DLC1: variants seen among roughly 807,000 people sequenced by gnomAD.
The protein encoded by DLC1 is DLC1 Rho GTPase activating protein, also known as rho GTPase-activating protein 7.
Under a neutral mutation model 140.3 loss-of-function variants are expected in DLC1, and 54 were observed. The ratio of observed to expected loss-of-function variants is 0.38; its 90% CI spans 0.31 to 0.48. The LOEUF is 0.48. Ranked by LOEUF, DLC1 falls within the 20% of genes least tolerant of loss-of-function variation. The pLI is 0.96. For synonymous variants in DLC1, 986 were observed against 728.1 expected (o/e 1.35, Z -5.70); for missense variants, 2,536 against 1,907.0 (o/e 1.33, Z -6.14).
At chr8:13,540,529 G>C (rs1300719802) in intron 1 of DLC1, among the ~76,000 whole-genome samples, 2 of 152,180 alleles carry the variant, frequency 1.3e-5, no homozygotes, top group East Asian at 3.9e-4. Context: ...GAATAAACCA[G>C]ACAAGTGCCA....
intron 1 of DLC1, among the ~76,000 whole-genome samples, chr8:13,534,639 T>G (rs112577864): frequency 2.6e-5 from 4 of 152,240 alleles, no homozygotes; most frequent in African/African-American, 7.2e-5. Context: ...GCGCCACTGC[T>G]CCTGCTGACC....
chr8:13,567,665 T>G lies in DLC1; in HGVS notation c.-126+36872A>C, dbSNP rs1161650691. The G allele has an allele frequency of 2.3e-5, 36 of 1,551,702 alleles. No individual in the cohort carries two copies. In the Admixed American group the frequency reaches 6.9e-4, roughly 30 times the overall value. On this transcript the variant is annotated intron_variant, in intron 1 of 1. Coordinates refer to the DLC1 transcript ENST00000631382. The stretch of plus-strand genomic sequence containing the variant: ...CAAAAGAAGACTTTACTGGAGTCAT[T>G]TCTACTCCAAGAGAGAATAGATGAA...
At chr8:13,484,723 T>C (rs1485993340) in intron 2 of DLC1, among the ~76,000 whole-genome samples, 1 of 152,018 alleles carries the variant, frequency 6.6e-6, no homozygotes, top group African/African-American at 2.4e-5. Flanking sequence ...AAGGAACTAA[T>C]GGCAGCAACA....
intron 7 of DLC1, among the ~76,000 whole-genome samples, chr8:13,109,035 A>T (rs1434921344): frequency 1.3e-5 from 2 of 152,220 alleles, no homozygotes; most frequent in Non-Finnish European, 2.9e-5. Context: ...TCTGTGGTTA[A>T]GAGGACTGTT....
At chr8:13,564,548 A>G (rs1041714592) in intron 1 of DLC1, among the ~76,000 whole-genome samples, 9 of 152,214 alleles carry the variant, frequency 5.9e-5, no homozygotes, top group African/African-American at 2.2e-4. Flanking sequence ...CACCACCAGG[A>G]AGAGGTACCT....
At chr8:13,211,499 G>A (rs1453525096) in intron 5 of DLC1, among the ~76,000 whole-genome samples, 1 of 152,170 alleles carries the variant, frequency 6.6e-6, no homozygotes, top group Non-Finnish European at 1.5e-5. Flanking sequence ...ACCCTCTGAG[G>A]CTAAGCCCCA....
At chr8:13,480,667 G>C (rs1258168864) in intron 2 of DLC1, among the ~76,000 whole-genome samples, 1 of 152,152 alleles carries the variant, frequency 6.6e-6, no homozygotes, top group Non-Finnish European at 1.5e-5. Flanking sequence ...GGAGAAGAGA[G>C]GTGGACCAAG....
At chr8:13,314,629 G>C (rs1411199842) in intron 4 of DLC1, among the ~76,000 whole-genome samples, 1 of 152,070 alleles carries the variant, frequency 6.6e-6, no homozygotes, top group Non-Finnish European at 1.5e-5. Context: ...AACATTTGCT[G>C]ATATTCTCAC....
At chr8:13,546,535 G>C (rs1803654686) in intron 1 of DLC1, among the ~76,000 whole-genome samples, 1 of 152,128 alleles carries the variant, frequency 6.6e-6, no homozygotes, top group Admixed American at 6.6e-5. Flanking sequence ...CCTTCCAGAT[G>C]TCTTATTTAC....
chr8:13,412,082 T>C (rs2117300925), intron 2 of DLC1, among the ~76,000 whole-genome samples: 1 of 152,256 alleles, frequency 6.6e-6, no homozygotes, highest in East Asian at 1.9e-4. Flanking sequence ...GGAGAAAATA[T>C]TTAGATCATA....
intron 1 of DLC1, among the ~76,000 whole-genome samples, chr8:13,581,365 C>T (rs1162296530): frequency 2.6e-5 from 4 of 152,208 alleles, no homozygotes; most frequent in Non-Finnish European, 2.9e-5. Flanking sequence ...AAACAAAACT[C>T]TTGCTGTTCC....
rs35846034 is a variant in DLC1 at position 13,384,920 on chromosome 8, TA to T, written c.1314+8632del. On this transcript the variant is annotated intron_variant, in intron 4 of 17. Transcript: ENST00000276297. Reference sequence around the variant, plus strand: ...ACAGGCTTATCCTAGAGGCTGGACATAAAAAAAAAATTGTCAACATTTTCCT... The same window carrying T: ...ACAGGCTTATCCTAGAGGCTGGACATAAAAAAAAATTGTCAACATTTTCCT... 1.4e-3 allele frequency among the ~76,000 whole-genome samples: 214 copies of T among 150,778 alleles called. 1 individual carries two copies. The highest frequency in any genetic ancestry group is 4.0e-3 in the African/African-American group (163 of 41,086).
Position 13,090,448 on chromosome 8 carries a change from C to T in DLC1, c.3878G>A (p.Cys1293Tyr). Residue 1293 changes from cysteine (C) to tyrosine (Y), a missense_variant, in exon 15 of 18, where the codon TGT (cysteine) becomes TAT (tyrosine). Physicochemically the swap from Cys to Tyr is radical, Grantham distance 194. Coordinates refer to ENST00000276297, the MANE Select transcript of DLC1 (RefSeq NM_182643.3). The part of the protein sequence containing the change: ...LFQVPEEMSR[C>Y]RNSYTEQELK... ...CTCTTGTTCGGTATAGGAATTACGA[C>T]ATCGGCTCATTTCCTCGGGAACCTG... The T allele has an allele frequency of 3.1e-6, 5 of 1,614,112 alleles. No individual in the cohort carries two copies. The South Asian group carries it at 4.4e-5, about 14-fold the overall frequency.
At chr8:13,222,506 G>A (rs1828604845) in intron 5 of DLC1, among the ~76,000 whole-genome samples, 1 of 152,094 alleles carries the variant, frequency 6.6e-6, no homozygotes, top group African/African-American at 2.4e-5. Context: ...AAACCTTGCT[G>A]TGTGATTGCT....
At chr8:13,486,483 T>C (rs956718739) in intron 2 of DLC1, among the ~76,000 whole-genome samples, 1 of 152,172 alleles carries the variant, frequency 6.6e-6, no homozygotes. Context: ...TTTTAAATTA[T>C]AGAGTTTCCA....
At chr8:13,263,845 C>A (rs1249080162) in intron 5 of DLC1, among the ~76,000 whole-genome samples, 5 of 151,344 alleles carry the variant, frequency 3.3e-5, no homozygotes, top group Non-Finnish European at 7.4e-5. Context: ...ATGTACATAT[C>A]TTAGACTATG....
chr8:13,085,808 T>G lies in DLC1; in HGVS notation c.*3A>C. On this transcript the variant is annotated 3_prime_UTR_variant, in exon 18 of 18. Coordinates refer to ENST00000276297, the MANE Select transcript of DLC1 (RefSeq NM_182643.3). ...GGTGGAAGCGGTTGCGTTGCTTCAG[T>G]GATCACCTAGATTTGGTGTCTTTGG... 1 of 1,614,160 alleles carries G rather than the reference T, an allele frequency of 6.2e-7. No homozygotes were observed. The highest frequency in any genetic ancestry group is 8.5e-7 in the Non-Finnish European group (1 of 1,180,008).
At chr8:13,252,972 A>G (rs1292395320) in intron 5 of DLC1, among the ~76,000 whole-genome samples, 2 of 152,226 alleles carry the variant, frequency 1.3e-5, no homozygotes, top group East Asian at 1.9e-4. Context: ...TTAAAGTATC[A>G]TGTACCTTAA....
chr8:13,555,502 A>C (rs1241430148), intron 1 of DLC1, among the ~76,000 whole-genome samples: 1 of 151,644 alleles, frequency 6.6e-6, no homozygotes. Context: ...TAAATTTTTT[A>C]TTTTTTTGAG....
Sources: allele counts gnomAD v4.1 joint callset (sites outside exome capture counted in the v4.1 genomes callset), GRCh38; gene constraint gnomAD v4.1.1; transcripts MANE v1.5; gene names NCBI Gene and HGNC (gene_info 2026-07-23, HGNC 2026-07-21).